Variants in ADGRL3 observed in about 807,000 individuals in gnomAD.
ADGRL3 encodes the protein adhesion G protein-coupled receptor L3, also known as calcium-independent alpha-latrotoxin receptor 3.
ADGRL3 carries 62 observed loss-of-function variants against 153.5 expected under a neutral mutation model. The ratio of observed to expected loss-of-function variants is 0.40; its 90% CI spans 0.33 to 0.50. The LOEUF (loss-of-function observed/expected upper bound fraction) is 0.50, where lower values mean the gene tolerates loss of function less well. Among genes scored for constraint, ADGRL3 ranks in the 20% least tolerant of loss-of-function variants. ADGRL3 has a pLI of 0.47. For synonymous variants in ADGRL3, 710 were observed against 672.5 expected, an observed-to-expected ratio of 1.06 and a Z score of -0.86; for missense variants, 1,641 against 1,859.4, an observed-to-expected ratio of 0.88 and a Z score of 2.16.
intron 6 of ADGRL3, among the ~76,000 whole-genome samples, chr4:61,683,453 GA>G (rs1313834404): frequency 6.6e-6 from 1 of 152,054 alleles, no homozygotes; most frequent in Non-Finnish European, 1.5e-5. Context: ...GCAATGAGGG[GA>G]TACAGGGGTG....
intron 20 of ADGRL3, 43 bp from the exon 21 acceptor site, chr4:61,998,131 C>A: frequency 9.0e-7 from 1 of 1,110,818 alleles, no homozygotes; most frequent in Non-Finnish European, 1.3e-6. Flanking sequence ...CTTTTTTGTT[C>A]CTACTCCAAT....
intron 9 of ADGRL3, among the ~76,000 whole-genome samples, chr4:61,883,466 T>G (rs2098520071): frequency 1.3e-5 from 2 of 152,180 alleles, no homozygotes; most frequent in South Asian, 4.1e-4. Flanking sequence ...GCCATATACT[T>G]TGCTAGGTAC....
intron 25 of ADGRL3, chr4:62,063,525 A>G: frequency 1.4e-6 from 1 of 691,176 alleles, no homozygotes; most frequent in Non-Finnish European, 2.6e-6. Flanking sequence ...TAATCATCTT[A>G]TAAGCAATGC....
chr4:61,847,889 AAATATATTATATAT>A lies in ADGRL3; in HGVS notation c.1480+34007_1480+34020del, dbSNP rs1243475923. On this transcript the variant is annotated intron_variant, in intron 9 of 26. Coordinates refer to ENST00000683033, the MANE Select transcript of ADGRL3 (RefSeq NM_001387552.1). Reference sequence around the variant, plus strand: ...TATAAAATATATTATATATAATATAAAATATATTATATATAATATAAAATATATTATATATATAA... The same window carrying A: ...TATAAAATATATTATATATAATATAAAATATAAAATATATTATATATATAA... 1.3e-3 allele frequency among the ~76,000 whole-genome samples: 32 copies of A among 24,276 alleles called. 2 individuals are homozygous for A. The highest frequency in any genetic ancestry group is 3.4e-3 in the African/African-American group (31 of 9,128). The allele number at this position is 24,276 out of a possible 152,430, so 15.9% of individuals were successfully genotyped here.
At chr4:61,898,800 AG>A (rs1334313255) in intron 11 of ADGRL3, among the ~76,000 whole-genome samples, 2 of 152,012 alleles carry the variant, frequency 1.3e-5, no homozygotes, top group African/African-American at 4.8e-5. Context: ...GTATTTTAGT[AG>A]AGATGAGGTT....
At chr4:61,782,395 T>C (rs1184028184) in intron 8 of ADGRL3, among the ~76,000 whole-genome samples, 1 of 152,160 alleles carries the variant, frequency 6.6e-6, no homozygotes, top group Non-Finnish European at 1.5e-5. Context: ...CTTAGCAGCA[T>C]TGCTTATGGT....
intron 11 of ADGRL3, among the ~76,000 whole-genome samples, chr4:61,905,894 CAA>C (rs112203930): frequency 9.5e-6 from 1 of 105,766 alleles, no homozygotes; most frequent in Non-Finnish European, 2.0e-5. Flanking sequence ...GACTCTGTCT[CAA>C]AAAAAAAAAG....
chr4:61,867,152 A>G (rs1367686407), intron 9 of ADGRL3, among the ~76,000 whole-genome samples: 1 of 152,090 alleles, frequency 6.6e-6, no homozygotes, highest in African/African-American at 2.4e-5. Flanking sequence ...ATTTTGCATT[A>G]TTACAATTAG....
At chr4:61,623,031 C>T in intron 5 of ADGRL3, among the ~76,000 whole-genome samples, 1 of 152,022 alleles carries the variant, frequency 6.6e-6, no homozygotes, top group South Asian at 2.1e-4. Flanking sequence ...CATTAATAGA[C>T]CGATAAATAG....
At chr4:61,987,363 TG>T (rs2099089527) in intron 19 of ADGRL3, among the ~76,000 whole-genome samples, 1 of 151,686 alleles carries the variant, frequency 6.6e-6, no homozygotes, top group African/African-American at 2.4e-5. Flanking sequence ...TTAGTAGAGA[TG>T]GGGTTTCTCA....
At chr4:61,524,992 G>A (rs898195278) in intron 4 of ADGRL3, among the ~76,000 whole-genome samples, 2 of 151,988 alleles carry the variant, frequency 1.3e-5, no homozygotes, top group Admixed American at 6.6e-5. Flanking sequence ...TATATTTCTT[G>A]TGCCTACAAC....
intron 6 of ADGRL3, among the ~76,000 whole-genome samples, chr4:61,695,883 T>C (rs1248473671): frequency 6.6e-6 from 1 of 152,200 alleles, no homozygotes; most frequent in East Asian, 1.9e-4. Context: ...ACTTTTATGT[T>C]ATGGAGATGG....
At chr4:61,480,402 T>C (rs2098119193) in intron 2 of ADGRL3, among the ~76,000 whole-genome samples, 1 of 152,214 alleles carries the variant, frequency 6.6e-6, no homozygotes, top group Non-Finnish European at 1.5e-5. Flanking sequence ...GTTGTCTAAA[T>C]ATACCACATT....
chr4:61,297,380 T>C (rs1305447661), intron 1 of ADGRL3, among the ~76,000 whole-genome samples: 1 of 152,142 alleles, frequency 6.6e-6, no homozygotes, highest in East Asian at 1.9e-4. Flanking sequence ...ATATGCTAAA[T>C]TGCCGATTTC....
intron 6 of ADGRL3, among the ~76,000 whole-genome samples, chr4:61,722,762 C>T (rs2096263780): frequency 6.6e-6 from 1 of 151,914 alleles, no homozygotes; most frequent in African/African-American, 2.4e-5. Context: ...AATTGGAATG[C>T]CAATTAATCT....
chr4:61,805,037 C>A (rs1283134292), intron 8 of ADGRL3, among the ~76,000 whole-genome samples: 1 of 151,318 alleles, frequency 6.6e-6, no homozygotes, highest in Non-Finnish European at 1.5e-5. Flanking sequence ...CTCACTGCAA[C>A]CTCCACCTCC....
chr4:61,939,348 A>G (rs1222077426), intron 15 of ADGRL3, among the ~76,000 whole-genome samples: 1 of 152,236 alleles, frequency 6.6e-6, no homozygotes, highest in Non-Finnish European at 1.5e-5. Flanking sequence ...AAGAAGGAAA[A>G]TAAATCTCTT....
chr4:61,651,710 C>T (rs1205980173), intron 5 of ADGRL3, among the ~76,000 whole-genome samples: 1 of 151,368 alleles, frequency 6.6e-6, no homozygotes, highest in African/African-American at 2.4e-5. Context: ...TGTGTTCAAG[C>T]AATTCCCTCG....
intron 6 of ADGRL3, among the ~76,000 whole-genome samples, chr4:61,689,023 C>T (rs930946149): frequency 7.9e-5 from 12 of 152,100 alleles, no homozygotes; most frequent in Non-Finnish European, 1.2e-4. Flanking sequence ...TGCAGTGGCA[C>T]GAATAATGGC....
Sources: gnomAD v4.1 joint callset for allele counts (sites outside exome capture counted in the v4.1 genomes callset) on GRCh38, gnomAD v4.1.1 for gene constraint, MANE v1.5 for transcripts, NCBI Gene and HGNC (gene_info 2026-07-23, HGNC 2026-07-21) for gene names.